C4orf17: variants seen among roughly 807,000 people sequenced by gnomAD.
C4orf17 encodes chromosome 4 open reading frame 17, also known as uncharacterized protein C4orf17.
C4orf17 carries 25 observed loss-of-function variants against 32.0 expected under a neutral mutation model. The observed-to-expected ratio is 0.78, with a 90% CI of 0.57 to 1.09. The LOEUF (loss-of-function observed/expected upper bound fraction) is 1.09, where lower values mean the gene tolerates loss of function less well. Ranked by LOEUF, C4orf17 falls within the 50% of genes least tolerant of loss-of-function variation. The pLI is 0.00. For missense variants in C4orf17, 420 were observed against 420.0 expected (o/e 1.00, Z 0.00); for synonymous variants, 149 against 145.8 (o/e 1.02, Z -0.16).
In C4orf17 at chr4:99,540,811, A is replaced by G. The variant is rs146754856; in HGVS notation, c.880+356A>G. The G allele has an allele frequency of 1.5e-4, 24 of 161,852 alleles. No individual in the cohort carries two copies. The East Asian group carries it at 3.9e-3, about 26-fold the overall frequency. The allele number at this position is 161,852 out of a possible 1,614,324, so 10.0% of individuals were successfully genotyped here. On this transcript the variant is annotated intron_variant, in intron 8 of 8. Transcript: ENST00000326581. ...GGTTCTTCACAGCTTAATGGAGTTA[A>G]ATAATTTCACTGGAGACAAAGTCAA...
chr4:99,541,842 TA>T, intron 8 of C4orf17, 67 bp from the exon 9 acceptor site: 1 of 1,133,870 alleles, frequency 8.8e-7, no homozygotes. Context: ...AATTTACTAC[TA>T]AAACATGGAG....
intron 4 of C4orf17, 99 bp downstream of exon 4, chr4:99,524,684 A>G (rs2110169264): frequency 1.4e-6 from 1 of 703,642 alleles, no homozygotes; most frequent in Non-Finnish European, 2.5e-6. Context: ...ATGTTTCACA[A>G]TATTTTTACA....
chr4:99,528,994 CT>C (rs1723435316), intron 4 of C4orf17, among the ~76,000 whole-genome samples: 2 of 152,146 alleles, frequency 1.3e-5, no homozygotes, highest in Non-Finnish European at 2.9e-5. Context: ...TACTGTGTTA[CT>C]ATTTTTCCAT....
chr4:99,513,609 T>C (rs944829949), intron 2 of C4orf17, among the ~76,000 whole-genome samples: 23 of 152,150 alleles, frequency 1.5e-4, no homozygotes, highest in African/African-American at 5.3e-4. Context: ...TTACTCTTGC[T>C]TCCTTCCCTT....
intron 2 of C4orf17, among the ~76,000 whole-genome samples, chr4:99,520,313 T>G (rs749121842): frequency 2.0e-5 from 3 of 152,128 alleles, no homozygotes; most frequent in Non-Finnish European, 4.4e-5. Flanking sequence ...ACTAGGATGG[T>G]CTCGATCTCC....
At chr4:99,532,062 C>A (rs568847891) in intron 5 of C4orf17, among the ~76,000 whole-genome samples, 2 of 152,124 alleles carry the variant, frequency 1.3e-5, no homozygotes, top group South Asian at 4.1e-4. Context: ...AGACATAACA[C>A]CAAAATGTCT....
At chr4:99,530,360 C>T (rs867380) in intron 5 of C4orf17, among the ~76,000 whole-genome samples, 53,707 of 151,776 alleles carry the variant, frequency 0.35, 10,194 homozygotes, top group African/African-American at 0.49. Context: ...TCCTCTTTTC[C>T]TTGCAAAACT....
intron 4 of C4orf17, among the ~76,000 whole-genome samples, chr4:99,525,954 T>G (rs2110169769): frequency 6.6e-6 from 1 of 152,316 alleles, no homozygotes; most frequent in African/African-American, 2.4e-5. Flanking sequence ...AATTTGTAAT[T>G]TTTTCCATCA....
chr4:99,512,527 C>T (rs1723110649), intron 1 of C4orf17, among the ~76,000 whole-genome samples: 3 of 152,078 alleles, frequency 2.0e-5, no homozygotes, highest in African/African-American at 7.2e-5. Context: ...TTACCATTCT[C>T]TCCGAAGATG....
At position 99,542,003 on chromosome 4, in the gene C4orf17, C is replaced by T. The variant is rs1376293313; in HGVS notation, c.974C>T (p.Pro325Leu). ...YFSKPNSPPR[P>L]NTQESGSAKP... is the part of the protein sequence containing the mutation. ...AGCAAACCAAATTCTCCTCCCAGGC[C>T]TAACACTCAGGAGAGTGGATCAGCA... is the stretch of plus-strand genomic sequence containing the variant. The change falls in exon 9 of 9, where the codon CCT becomes CTT. Residue 325 changes from proline to leucine, a missense_variant. By Grantham distance (98) the Pro-to-Leu change is moderately conservative. Transcript: ENST00000326581. The T allele has an allele frequency of 1.2e-6, 2 of 1,613,942 alleles. No individual in the cohort carries two copies. The highest frequency in any genetic ancestry group is 3.3e-5 in the Admixed American group (2 of 60,020).
chr4:99,529,290 C>G (rs893634918), intron 4 of C4orf17, among the ~76,000 whole-genome samples: 2 of 152,196 alleles, frequency 1.3e-5, no homozygotes, highest in African/African-American at 4.8e-5. Flanking sequence ...AAACAGTATA[C>G]TTACCTCCCA....
intron 5 of C4orf17, among the ~76,000 whole-genome samples, chr4:99,533,422 G>C (rs1232202401): frequency 2.0e-5 from 3 of 152,112 alleles, no homozygotes; most frequent in African/African-American, 7.2e-5. Context: ...CTACAGATTG[G>C]ACCATTGAGA....
chr4:99,518,194 C>T (rs2110166107), intron 2 of C4orf17, among the ~76,000 whole-genome samples: 2 of 152,122 alleles, frequency 1.3e-5, no homozygotes, highest in African/African-American at 4.8e-5. Context: ...AGCTTTACTT[C>T]CACTCTTGCC....
At chr4:99,533,198 C>T (rs780409065) in intron 5 of C4orf17, among the ~76,000 whole-genome samples, 3 of 152,124 alleles carry the variant, frequency 2.0e-5, no homozygotes, top group Non-Finnish European at 2.9e-5. Flanking sequence ...ACTTTGTAAG[C>T]GTAAGAATTA....
rs769630304 is a variant in C4orf17 at position 99,513,214 on chromosome 4, G to T, written c.127+6G>T. The T allele has an allele frequency of 2.5e-6, 4 of 1,613,690 alleles. No individual in the cohort carries two copies. The South Asian group carries it at 4.4e-5, about 18-fold the overall frequency. ...AAGAGTCTGCCACATCAAAGGTAAG[G>T]TGACTTAAGGTCCTAGTATGTGTCT... is the stretch of plus-strand genomic sequence containing the variant. On this transcript the variant is annotated splice_donor_region_variant and intron_variant, in intron 2 of 8. Coordinates refer to ENST00000326581, the MANE Select transcript of C4orf17 (RefSeq NM_032149.3).
chr4:99,528,610 A>T (rs1389581589), intron 4 of C4orf17, among the ~76,000 whole-genome samples: 1 of 152,194 alleles, frequency 6.6e-6, no homozygotes, highest in Non-Finnish European at 1.5e-5. Flanking sequence ...AAGAGATTTA[A>T]TTGACTCACA....
rs934018138 is a variant in C4orf17 at position 99,516,217 on chromosome 4, A to C, written c.127+3009A>C. Among the ~76,000 whole-genome samples the C allele has an allele frequency of 7.2e-5, 11 of 152,194 alleles. 1 individual carries two copies. The highest frequency in any genetic ancestry group is 7.2e-4 in the Admixed American group (11 of 15,274). ...ATAGACCAAAGTTTCTGAGGGAGGA[A>C]AAAAATGTCCCTACCCTCATGGAGC... On this transcript the variant is annotated intron_variant, in intron 2 of 8. Transcript: ENST00000326581.
chr4:99,531,911 G>A (rs111855471), intron 5 of C4orf17, among the ~76,000 whole-genome samples: 2 of 152,210 alleles, frequency 1.3e-5, no homozygotes, highest in African/African-American at 2.4e-5. Context: ...CTCTAAATGG[G>A]CTGTGAAATC....
chr4:99,534,113 A>G (rs992135716), intron 5 of C4orf17, among the ~76,000 whole-genome samples: 4 of 152,030 alleles, frequency 2.6e-5, no homozygotes, highest in African/African-American at 9.7e-5. Context: ...TCCATTAGCT[A>G]TTCTTCCTGA....
Sources: gnomAD v4.1 joint callset for allele counts (sites outside exome capture counted in the v4.1 genomes callset) on GRCh38, gnomAD v4.1.1 for gene constraint, MANE v1.5 for transcripts, NCBI Gene and HGNC (gene_info 2026-07-23, HGNC 2026-07-21) for gene names.